Variants in FRK observed in about 807,000 individuals in gnomAD.
The protein encoded by FRK is fyn related Src family tyrosine kinase.
A neutral mutation model predicts 56.4 loss-of-function variants in FRK; 51 were observed. The observed-to-expected ratio is 0.90, with a 90% CI of 0.72 to 1.14. The LOEUF (loss-of-function observed/expected upper bound fraction) is 1.14. Among genes scored for constraint, FRK ranks in the 50% most tolerant of loss-of-function variants. The pLI is 0.00. For missense variants in FRK, 570 were observed against 601.4 expected (o/e 0.95, Z 0.55); for synonymous variants, 245 against 217.9 (o/e 1.12, Z -1.10).
chr6:116,081,583 G>A, the FRK span, among the ~76,000 whole-genome samples: 1 of 152,002 alleles, frequency 6.6e-6, no homozygotes, highest in African/African-American at 2.4e-5. Context: ...GCTTGAGCCT[G>A]GGAGGCAGAG....
rs551495920 is a variant in FRK at position 116,005,742 on chromosome 6, G to T, written c.345-1744C>A. 3.9e-5 allele frequency among the ~76,000 whole-genome samples: 6 copies of T among 152,254 alleles called. No individual in the cohort carries two copies. In the East Asian group the frequency reaches 9.6e-4, roughly 24 times the overall value. Reference sequence around the variant, plus strand: ...ATGTTTTTGATTATTGCAGAAACAAGTCAATAGAATACTTGAACATAGTAA... The same window carrying T: ...ATGTTTTTGATTATTGCAGAAACAATTCAATAGAATACTTGAACATAGTAA... On this transcript the variant is annotated intron_variant, in intron 1 of 7. Transcript: ENST00000606080.
At chr6:115,983,945 G>T (rs1014030235) in intron 2 of FRK, among the ~76,000 whole-genome samples, 5 of 152,046 alleles carry the variant, frequency 3.3e-5, no homozygotes, top group African/African-American at 1.2e-4. Context: ...TATCCTCAAG[G>T]TTTAAATGCT....
chr6:116,062,920 G>A (rs913050878), upstream of FRK, among the ~76,000 whole-genome samples: 1 of 152,166 alleles, frequency 6.6e-6, no homozygotes, highest in Non-Finnish European at 1.5e-5. Context: ...CTGAGCGACA[G>A]CTGGGCACCA....
chr6:116,064,479 G>A (rs910430446), upstream of FRK, among the ~76,000 whole-genome samples: 1 of 152,146 alleles, frequency 6.6e-6, no homozygotes, highest in Admixed American at 6.6e-5. Context: ...AAAATGGGGA[G>A]GAAATGGAAG....
chr6:115,988,168 A>G (rs1373526308), intron 2 of FRK, among the ~76,000 whole-genome samples: 3 of 152,162 alleles, frequency 2.0e-5, no homozygotes, highest in African/African-American at 4.8e-5. Context: ...AAAATGCATT[A>G]TAAATGACTT....
intron 1 of FRK, among the ~76,000 whole-genome samples, chr6:116,055,931 T>G (rs529377139): frequency 1.8e-4 from 27 of 152,336 alleles, no homozygotes; most frequent in African/African-American, 6.3e-4. Flanking sequence ...CACATTTCAT[T>G]GTTGTTATCA....
chr6:115,944,915 C>A (rs1284085892), intron 5 of FRK, among the ~76,000 whole-genome samples: 1 of 151,930 alleles, frequency 6.6e-6, no homozygotes, highest in African/African-American at 2.4e-5. Flanking sequence ...ATATGTTGTT[C>A]CCCTCTATGT....
chr6:116,050,893 C>T (rs1777154095), intron 1 of FRK, among the ~76,000 whole-genome samples: 2 of 152,088 alleles, frequency 1.3e-5, no homozygotes, highest in South Asian at 4.1e-4. Context: ...CTAGGAGTAT[C>T]CAGAAATTAT....
At chr6:115,999,518 C>T (rs1203559996) in intron 2 of FRK, among the ~76,000 whole-genome samples, 1 of 152,142 alleles carries the variant, frequency 6.6e-6, no homozygotes. Flanking sequence ...AAATCATGCA[C>T]CCTCATGAAG....
At chr6:115,994,153 T>C (rs1774731051) in intron 2 of FRK, among the ~76,000 whole-genome samples, 1 of 152,044 alleles carries the variant, frequency 6.6e-6, no homozygotes, top group Non-Finnish European at 1.5e-5. Flanking sequence ...TCAGAGACTT[T>C]AGTATGCTTT....
chr6:116,072,154 G>C, the FRK span, among the ~76,000 whole-genome samples: 2 of 152,112 alleles, frequency 1.3e-5, no homozygotes, highest in African/African-American at 2.4e-5. Context: ...TGAAGCAGAA[G>C]TATCAGGTAC....
Position 115,937,772 on chromosome 6 carries a change from G to A in FRK, c.*4642C>T, listed in dbSNP as rs780221383. The A allele has an allele frequency of 6.6e-6, 1 of 152,142 alleles. No homozygotes were observed. The highest frequency in any genetic ancestry group is 3.2e-3 in the Middle Eastern group (1 of 316). The allele number at this position is 152,142 out of a possible 1,614,324, so 9.4% of individuals were successfully genotyped here. A position where few individuals can be genotyped will look rare whatever the true frequency, so the allele number is the denominator to read the frequency against. On this transcript the variant is annotated 3_prime_UTR_variant, in exon 8 of 8. Transcript: ENST00000606080. ...TAAACAGATCAATGCAACAAGAATA[G>A]CTAACTATCCTAAATATATATACAC...
At chr6:116,057,597 T>A (rs1777448352) in intron 1 of FRK, among the ~76,000 whole-genome samples, 1 of 152,106 alleles carries the variant, frequency 6.6e-6, no homozygotes, top group Admixed American at 6.6e-5. Context: ...GGAGGCAGAG[T>A]GGCAGCATTT....
At chr6:116,034,474 G>A (rs75881100) in intron 1 of FRK, among the ~76,000 whole-genome samples, 2 of 152,096 alleles carry the variant, frequency 1.3e-5, no homozygotes, top group South Asian at 4.1e-4. Context: ...CTTTTGATAA[G>A]AGCAGCTTCC....
At chr6:115,958,646 A>G (rs1480915114) in intron 4 of FRK, among the ~76,000 whole-genome samples, 52 of 2,064 alleles carry the variant, frequency 0.025, no homozygotes, top group African/African-American at 0.076. Context: ...AAAGAAAGAA[A>G]AGAAAGAAAG....
At chr6:116,043,650 T>G (rs1002354965) in intron 1 of FRK, among the ~76,000 whole-genome samples, 3 of 151,894 alleles carry the variant, frequency 2.0e-5, no homozygotes, top group Admixed American at 2.0e-4. Flanking sequence ...GATCTAAAAT[T>G]GACACCCTAA....
At chr6:116,090,991 T>G in the FRK span, among the ~76,000 whole-genome samples, 3 of 152,232 alleles carry the variant, frequency 2.0e-5, no homozygotes, top group African/African-American at 7.2e-5. Flanking sequence ...TTTTTTAAAA[T>G]TGTAATCCTG....
intron 2 of FRK, 70 bp downstream of exon 2, chr6:116,003,807 T>C (rs1374859806): frequency 3.0e-5 from 47 of 1,551,754 alleles, no homozygotes; most frequent in African/African-American, 1.4e-5. Flanking sequence ...ATCGTGTCCA[T>C]GTTCACACAG....
Position 115,957,771 on chromosome 6 carries a change from C to G in FRK, c.800-1161G>C, listed in dbSNP as rs79554982. Among the ~76,000 whole-genome samples, 896 of 152,320 alleles carry G rather than the reference C, an allele frequency of 5.9e-3. 10 individuals are homozygous for G. The highest frequency in any genetic ancestry group is 0.02 in the African/African-American group (833 of 41,562). On this transcript the variant is annotated intron_variant, in intron 4 of 7. Transcript: ENST00000606080. The stretch of plus-strand genomic sequence containing the variant: ...ATCAGACTCTGCATTCTAGACAAAT[C>G]TCAACTCTCTGCCACTAGTGCCCTG...
Sources: allele counts gnomAD v4.1 joint callset (sites outside exome capture counted in the v4.1 genomes callset), GRCh38; gene constraint gnomAD v4.1.1; transcripts MANE v1.5; gene names NCBI Gene and HGNC (gene_info 2026-07-23, HGNC 2026-07-21).